Variants in KHDRBS2 observed in about 807,000 individuals in gnomAD.
The protein encoded by KHDRBS2 is KH domain-containing, RNA-binding, signal transduction-associated protein 2.
Under a neutral mutation model 44.3 loss-of-function variants are expected in KHDRBS2, and 26 were observed. The ratio of observed to expected loss-of-function variants is 0.59; its 90% CI spans 0.43 to 0.81. KHDRBS2 has a LOEUF of 0.81. Among genes scored for constraint, KHDRBS2 ranks in the 40% least tolerant of loss-of-function variants. KHDRBS2 has a pLI of 0.00. For synonymous variants in KHDRBS2, 194 were observed against 151.1 expected, an observed-to-expected ratio of 1.28 and a Z score of -2.08; for missense variants, 476 against 433.1, an observed-to-expected ratio of 1.10 and a Z score of -0.88.
chr6:62,053,104 C>T (rs895240591), intron 2 of KHDRBS2, among the ~76,000 whole-genome samples: 6 of 151,878 alleles, frequency 4.0e-5, no homozygotes, highest in African/African-American at 1.2e-4. Context: ...ATGTTGTATA[C>T]CTTAAATATA....
chr6:62,215,381 G>A (rs1829812203), intron 1 of KHDRBS2, among the ~76,000 whole-genome samples: 1 of 151,674 alleles, frequency 6.6e-6, no homozygotes, highest in Non-Finnish European at 1.5e-5. Flanking sequence ...GACGGAAGGA[G>A]ATAGAGACTG....
chr6:62,139,016 C>A (rs1352643837), intron 2 of KHDRBS2, among the ~76,000 whole-genome samples: 3 of 151,780 alleles, frequency 2.0e-5, no homozygotes, highest in Admixed American at 1.3e-4. Flanking sequence ...CAATGCTGTT[C>A]TTTTTATCAT....
intron 6 of KHDRBS2, among the ~76,000 whole-genome samples, chr6:61,758,941 C>T (rs1778891764): frequency 6.6e-6 from 1 of 152,096 alleles, no homozygotes. Context: ...TAAAATTTCT[C>T]ATTTTTATGG....
chr6:62,154,615 C>T (rs1188771003), intron 2 of KHDRBS2, among the ~76,000 whole-genome samples: 1 of 151,074 alleles, frequency 6.6e-6, no homozygotes, highest in East Asian at 1.9e-4. Context: ...AGAGTTGAGA[C>T]ATAAAGGAAA....
At chr6:62,248,318 A>G (rs1329045957) in intron 1 of KHDRBS2, among the ~76,000 whole-genome samples, 1 of 151,092 alleles carries the variant, frequency 6.6e-6, no homozygotes, top group African/African-American at 2.4e-5. Context: ...GCCCAGCAAA[A>G]CATCTAATCC....
chr6:61,739,537 A>G (rs1318387401), intron 6 of KHDRBS2, among the ~76,000 whole-genome samples: 1 of 151,920 alleles, frequency 6.6e-6, no homozygotes, highest in Non-Finnish European at 1.5e-5. Context: ...AATGGTTTTG[A>G]TATGCTGGAA....
chr6:61,804,408 A>G (rs1317992535), intron 6 of KHDRBS2, among the ~76,000 whole-genome samples: 1 of 151,810 alleles, frequency 6.6e-6, no homozygotes, highest in Non-Finnish European at 1.5e-5. Flanking sequence ...ATGTCTGTGG[A>G]TTTTCTAGGC....
chr6:61,765,222 G>A (rs1276534849), intron 6 of KHDRBS2, among the ~76,000 whole-genome samples: 1 of 152,142 alleles, frequency 6.6e-6, no homozygotes, highest in Non-Finnish European at 1.5e-5. Flanking sequence ...GAAGGCTGAG[G>A]TTGTAGGATT....
rs28876122 is a variant in KHDRBS2 at position 62,071,427 on chromosome 6, C to A, written c.220-23433G>T. ...TGAAATCCTTGCCCATGCCTATGTCCTGAATGGTATTGCTTATGTTTTCTT... is the reference window on the plus strand; with the variant it reads ...TGAAATCCTTGCCCATGCCTATGTCATGAATGGTATTGCTTATGTTTTCTT... On this transcript the variant is annotated intron_variant, in intron 2 of 8. Transcript: ENST00000281156. Among the ~76,000 whole-genome samples, 573 of 152,196 alleles carry A rather than the reference C, an allele frequency of 3.8e-3. 24 individuals carry two copies. In the East Asian group the frequency reaches 0.096, roughly 26 times the overall value.
chr6:61,984,990 G>A (rs529271758), intron 3 of KHDRBS2, among the ~76,000 whole-genome samples: 3 of 152,090 alleles, frequency 2.0e-5, no homozygotes, highest in Non-Finnish European at 4.4e-5. Flanking sequence ...GACTATTGTG[G>A]TGCTCATAAA....
At chr6:61,599,232 A>C in the KHDRBS2 span, among the ~76,000 whole-genome samples, 2 of 152,054 alleles carry the variant, frequency 1.3e-5, no homozygotes, top group Non-Finnish European at 2.9e-5. Flanking sequence ...TCTGATTTAT[A>C]CGCTCTTTTT....
chr6:62,086,060 G>T (rs1489794133), intron 2 of KHDRBS2, among the ~76,000 whole-genome samples: 1 of 152,034 alleles, frequency 6.6e-6, no homozygotes, highest in South Asian at 2.1e-4. Context: ...AATTACCAAC[G>T]TACATCAACA....
At chr6:62,258,517 G>A (rs1284825760) in intron 1 of KHDRBS2, among the ~76,000 whole-genome samples, 1 of 152,036 alleles carries the variant, frequency 6.6e-6, no homozygotes, top group Non-Finnish European at 1.5e-5. Context: ...AGTGATGCCA[G>A]ACAATCATAC....
At chr6:62,044,274 A>G (rs753959014) in intron 3 of KHDRBS2, among the ~76,000 whole-genome samples, 1 of 151,916 alleles carries the variant, frequency 6.6e-6, no homozygotes, top group Non-Finnish European at 1.5e-5. Flanking sequence ...CCAGGAGTTC[A>G]GGACCAGCCT....
At chr6:61,829,224 C>T (rs1481643202) in intron 6 of KHDRBS2, among the ~76,000 whole-genome samples, 1 of 152,164 alleles carries the variant, frequency 6.6e-6, no homozygotes, top group Non-Finnish European at 1.5e-5. Flanking sequence ...TGCAGTGGTG[C>T]AATCTCGGAT....
At chr6:62,068,500 CTT>C (rs1562779087) in intron 2 of KHDRBS2, among the ~76,000 whole-genome samples, 3 of 151,448 alleles carry the variant, frequency 2.0e-5, no homozygotes, top group Non-Finnish European at 4.4e-5. Context: ...ATAGCACAAA[CTT>C]TTAAAAAATT....
chr6:61,863,855 A>G (rs553599168), intron 6 of KHDRBS2, among the ~76,000 whole-genome samples: 5 of 152,242 alleles, frequency 3.3e-5, no homozygotes, highest in East Asian at 1.9e-4. Flanking sequence ...TTCAGACTCA[A>G]TGATCTGTCT....
chr6:62,110,456 A>C (rs1269928683), intron 2 of KHDRBS2, among the ~76,000 whole-genome samples: 1 of 152,108 alleles, frequency 6.6e-6, no homozygotes, highest in African/African-American at 2.4e-5. Context: ...TGTTCATCAC[A>C]TCAATGAACA....
intron 2 of KHDRBS2, among the ~76,000 whole-genome samples, chr6:62,169,171 G>GTA (rs538963000): frequency 0.048 from 6,409 of 134,342 alleles, 524 homozygotes; most frequent in African/African-American, 0.16. Context: ...ACACATATAT[G>GTA]TATATATGTA....
Sources: gnomAD v4.1 joint callset for allele counts (sites outside exome capture counted in the v4.1 genomes callset) on GRCh38, gnomAD v4.1.1 for gene constraint, MANE v1.5 for transcripts, NCBI Gene and HGNC (gene_info 2026-07-23, HGNC 2026-07-21) for gene names.